Variants in RPGRIP1L observed in about 807,000 individuals in gnomAD.
RPGRIP1L encodes protein fantom.
In RPGRIP1L, 131 loss-of-function variants were observed where a neutral mutation model predicts 160.4. That is an observed-to-expected ratio of 0.82 (90% CI 0.71 to 0.94). RPGRIP1L has a LOEUF of 0.94. Ranked by LOEUF, RPGRIP1L falls within the 40% of genes least tolerant of loss-of-function variation. The pLI is 0.00. For missense variants in RPGRIP1L, 1,522 were observed against 1,535.8 expected (o/e 0.99, Z 0.15); for synonymous variants, 510 against 515.8 (o/e 0.99, Z 0.15).
intron 25 of RPGRIP1L, among the ~76,000 whole-genome samples, chr16:53,609,581 G>A (rs1239588066): frequency 6.6e-6 from 1 of 152,112 alleles, no homozygotes; most frequent in Non-Finnish European, 1.5e-5. Flanking sequence ...AGACAAATAA[G>A]ACTGAATAGG....
In RPGRIP1L at chr16:53,618,898, T is replaced by C. The variant is rs555553133; in HGVS notation, c.3616+127A>G. On this transcript the variant is annotated intron_variant, in intron 24 of 26. Coordinates refer to ENST00000647211, the MANE Select transcript of RPGRIP1L (RefSeq NM_015272.5). The stretch of plus-strand genomic sequence containing the variant: ...TACTGGTTTGACTTTTATTAATCAA[T>C]TCTGACAAGACTTCCATGAATTTAT... 16 of 865,550 alleles carry C rather than the reference T, an allele frequency of 1.8e-5. No homozygotes were observed. In the Admixed American group the frequency reaches 2.2e-4, roughly 12 times the overall value. The allele number at this position is 865,550 out of a possible 1,614,324, so 53.6% of individuals were successfully genotyped here. A position where few individuals can be genotyped will look rare whatever the true frequency, so the allele number is the denominator to read the frequency against.
chr16:53,658,075 A>G (rs1212170611), intron 12 of RPGRIP1L, among the ~76,000 whole-genome samples: 1 of 152,178 alleles, frequency 6.6e-6, no homozygotes, highest in Admixed American at 6.5e-5. Flanking sequence ...AAGGTCTCTT[A>G]GGGCAGAAAA....
intron 9 of RPGRIP1L, among the ~76,000 whole-genome samples, chr16:53,670,294 C>A (rs1005613168): frequency 5.9e-5 from 9 of 152,026 alleles, no homozygotes; most frequent in African/African-American, 2.2e-4. Context: ...AGACAAAGAG[C>A]TAAAAAGTTA....
At chr16:53,646,580 T>C (rs530104889) in intron 16 of RPGRIP1L, among the ~76,000 whole-genome samples, 50 of 152,298 alleles carry the variant, frequency 3.3e-4, no homozygotes, top group African/African-American at 1.2e-3. Context: ...AAAGGAGTTA[T>C]TAGGTAGAGT....
chr16:53,645,194 TCTTCTCTTA>T (rs1423402817), intron 17 of RPGRIP1L, among the ~76,000 whole-genome samples: 3 of 152,124 alleles, frequency 2.0e-5, no homozygotes, highest in African/African-American at 7.2e-5. Context: ...ATATTTTCTC[TCTTCTCTTA>T]CTTCTCTTAA....
intron 5 of RPGRIP1L, among the ~76,000 whole-genome samples, chr16:53,687,478 C>T (rs1005746613): frequency 3.3e-5 from 5 of 152,008 alleles, no homozygotes; most frequent in Non-Finnish European, 7.4e-5. Context: ...ATGCCACTCC[C>T]CAATTCTTTA....
chr16:53,629,032 T>A (rs1480644337), intron 22 of RPGRIP1L, among the ~76,000 whole-genome samples: 1 of 152,104 alleles, frequency 6.6e-6, no homozygotes, highest in African/African-American at 2.4e-5. Context: ...ACCTGAGGGA[T>A]ATGACACATT....
At chr16:53,699,817 C>CAAA (rs71146704) in intron 2 of RPGRIP1L, among the ~76,000 whole-genome samples, 50 of 94,386 alleles carry the variant, frequency 5.3e-4, no homozygotes, top group East Asian at 4.0e-3. Context: ...GACTTCGTCT[C>CAAA]AAAAAAAAAA....
intron 16 of RPGRIP1L, among the ~76,000 whole-genome samples, chr16:53,646,739 T>C (rs1032586603): frequency 4.6e-5 from 7 of 152,160 alleles, no homozygotes; most frequent in African/African-American, 1.7e-4. Flanking sequence ...CTTTGTTTGG[T>C]TTAGTGCTGG....
intron 19 of RPGRIP1L, 97 bp from the exon 20 acceptor site, chr16:53,638,508 G>C: frequency 1.5e-6 from 1 of 666,706 alleles, no homozygotes; most frequent in Non-Finnish European, 2.7e-6. Context: ...CTAAAAATTG[G>C]CAGCAAATGT....
chr16:53,619,731 G>A (rs186323113), intron 23 of RPGRIP1L, among the ~76,000 whole-genome samples: 45 of 152,164 alleles, frequency 3.0e-4, no homozygotes, highest in African/African-American at 9.6e-4. Flanking sequence ...CTTATATTCT[G>A]TCATAATATA....
Position 53,671,524 on chromosome 16 carries a change from A to T in RPGRIP1L, c.1089T>A (p.Asp363Glu), listed in dbSNP as rs1448419533. ...TCACGATTTACCTGTCATAAAGTTT[A>T]TCATAGTTTTCCTTTAAAAGTTCCC... is the stretch of plus-strand genomic sequence containing the variant. The part of the protein sequence containing the change: ...KERELLKENY[D>E]KLYDSAFSAA... Residue 363 changes from aspartate (D) to glutamate (E), a missense_variant, in exon 9 of 27, where the codon GAT (aspartate) becomes GAA (glutamate). By Grantham distance (45) the Asp-to-Glu change is conservative. Transcript: ENST00000647211. 1.3e-6 allele frequency: 2 copies of T among 1,575,942 alleles called. No homozygotes were observed. Among genetic ancestry groups the T allele is most frequent in the Admixed American group, 1.7e-5 (1 of 59,836 alleles).
chr16:53,688,854 C>T (rs1055254397), intron 4 of RPGRIP1L, among the ~76,000 whole-genome samples: 3 of 151,884 alleles, frequency 2.0e-5, no homozygotes, highest in African/African-American at 7.2e-5. Flanking sequence ...ATATCTATTG[C>T]TGTAATCCAG....
In RPGRIP1L at chr16:53,599,674, A is replaced by C. The variant is rs1360417348; in HGVS notation, c.*2402T>G. ...ACGCCAAGCCCTCTTCAATGGATCC[A>C]GTTTGGCTCACCAAGAGAAATCCAC... On this transcript the variant is annotated 3_prime_UTR_variant, in exon 27 of 27. Transcript: ENST00000647211. 1.3e-5 allele frequency: 2 copies of C among 152,222 alleles called. No homozygotes were observed. Among genetic ancestry groups the C allele is most frequent in the East Asian group, 3.8e-4 (2 of 5,196 alleles). 9.4% of individuals were successfully genotyped at this position (152,222 alleles called of 1,614,324 possible).
chr16:53,664,884 A>G lies in RPGRIP1L; in HGVS notation c.1229T>C (p.Leu410Ser). 1 of 1,611,226 alleles carries G rather than the reference A, an allele frequency of 6.2e-7. No individual in the cohort carries two copies. Residue 410 changes from leucine to serine, a missense_variant, in exon 10 of 27, where the codon TTA becomes TCA. Transcript: ENST00000647211. The part of the protein sequence containing the change: ...LTDKTEILDR[L>S]KTERDQNEKL... ...TTCAAATGTACCTCTTTCAGTTTTTAATCTGTCAAGGATTTCAGTTTTGTC... is the reference window on the plus strand; with the variant it reads ...TTCAAATGTACCTCTTTCAGTTTTTGATCTGTCAAGGATTTCAGTTTTGTC...
chr16:53,633,326 C>G (rs1054369698), intron 22 of RPGRIP1L, among the ~76,000 whole-genome samples: 1 of 152,200 alleles, frequency 6.6e-6, no homozygotes, highest in Non-Finnish European at 1.5e-5. Context: ...CACAGTATCG[C>G]TTCTGTATTC....
At chr16:53,627,480 CTT>C (rs1055011767) in intron 22 of RPGRIP1L, among the ~76,000 whole-genome samples, 37 of 152,222 alleles carry the variant, frequency 2.4e-4, no homozygotes, top group African/African-American at 8.9e-4. Flanking sequence ...CAACTTAAGT[CTT>C]TTTATTGTTG....
At chr16:53,658,485 G>T in intron 11 of RPGRIP1L, 21 bp from the exon 12 acceptor site, 1 of 1,573,706 alleles carries the variant, frequency 6.4e-7, no homozygotes, top group African/African-American at 1.3e-5. Context: ...TTAAGTAAAA[G>T]CTCACAATGA....
chr16:53,702,454 T>C lies in RPGRIP1L; in HGVS notation c.-8+1349A>G, dbSNP rs149545833. Reference sequence around the variant, plus strand: ...GAAGCTGAAAAACCCTGCACAATGCTGCAATGCCTCTCCAACACCATCTTA... The same window carrying C: ...GAAGCTGAAAAACCCTGCACAATGCCGCAATGCCTCTCCAACACCATCTTA... On this transcript the variant is annotated intron_variant, in intron 1 of 26. Transcript: ENST00000647211. Among the ~76,000 whole-genome samples the C allele has an allele frequency of 2.0e-3, 308 of 152,300 alleles. 2 individuals are homozygous for C. Among genetic ancestry groups the C allele is most frequent in the African/African-American group, 7.0e-3 (291 of 41,562 alleles).
Sources: gnomAD v4.1 joint callset for allele counts (sites outside exome capture counted in the v4.1 genomes callset) on GRCh38, gnomAD v4.1.1 for gene constraint, MANE v1.5 for transcripts, NCBI Gene and HGNC (gene_info 2026-07-23, HGNC 2026-07-21) for gene names.